Variants in CHSY3 observed in about 807,000 individuals in gnomAD.
CHSY3 encodes N-acetylgalactosaminyl-proteoglycan 3-beta-glucuronosyltransferase 3.
CHSY3 carries 35 observed loss-of-function variants against 67.2 expected under a neutral mutation model. The observed-to-expected ratio is 0.52, with a 90% CI of 0.40 to 0.69. CHSY3 has a LOEUF of 0.69. CHSY3 is among the 30% of genes least tolerant of loss of function. CHSY3 has a pLI of 0.00. For missense variants in CHSY3, 1,069 were observed against 1,138.5 expected (o/e 0.94, Z 0.88); for synonymous variants, 474 against 434.7 (o/e 1.09, Z -1.12).
rs1237082127 is a variant in CHSY3, at chr5:130,185,752, A to G, written c.2610A>G (p.Glu870=). ...STMQLAELWL[E]KHLGVRYNRT... ...TGCAACTGGCTGAACTCTGGCTTGA[A>G]AAACATTTAGGTGTCAGGTACAATC... Residue 870 remains glutamate (E), a synonymous_variant, in exon 3 of 3, where the codon GAA becomes GAG. Transcript: ENST00000305031. 1 of 1,610,244 alleles carries G rather than the reference A, an allele frequency of 6.2e-7. No homozygotes were observed. Among genetic ancestry groups the G allele is most frequent in the Non-Finnish European group, 8.5e-7 (1 of 1,177,498 alleles).
At chr5:129,987,520 A>C (rs1424679187) in intron 2 of CHSY3, among the ~76,000 whole-genome samples, 1 of 152,164 alleles carries the variant, frequency 6.6e-6, no homozygotes, top group African/African-American at 2.4e-5. Flanking sequence ...CTTTTAATGA[A>C]AATATACCAT....
At chr5:129,999,124 C>CTTTTTTTTTTTTT (rs376975711) in intron 2 of CHSY3, among the ~76,000 whole-genome samples, 1 of 141,724 alleles carries the variant, frequency 7.1e-6, no homozygotes, top group Non-Finnish European at 1.5e-5. Flanking sequence ...TCCCCCCTCC[C>CTTTTTTTTTTTTT]TTTTTTTTTT....
At chr5:130,036,926 A>C (rs891886787) in intron 2 of CHSY3, among the ~76,000 whole-genome samples, 1 of 152,266 alleles carries the variant, frequency 6.6e-6, no homozygotes, top group Non-Finnish European at 1.5e-5. Flanking sequence ...TTCCATGCTA[A>C]GTAGACTGAA....
chr5:130,084,104 T>C (rs1766532010), intron 2 of CHSY3, among the ~76,000 whole-genome samples: 1 of 152,056 alleles, frequency 6.6e-6, no homozygotes. Context: ...GGATATTTCA[T>C]TGTCTCCTTA....
At chr5:130,178,227 TTATATATA>T (rs1554088379) in intron 2 of CHSY3, among the ~76,000 whole-genome samples, 43 of 65,808 alleles carry the variant, frequency 6.5e-4, no homozygotes, top group African/African-American at 2.4e-3. Context: ...ATATTTATAT[TTATATATA>T]TATATATATA....
At chr5:130,037,817 C>G (rs1764902248) in intron 2 of CHSY3, among the ~76,000 whole-genome samples, 1 of 152,024 alleles carries the variant, frequency 6.6e-6, no homozygotes, top group African/African-American at 2.4e-5. Flanking sequence ...TTAGGTTGTT[C>G]AAATTCTGCT....
At chr5:129,923,987 T>A (rs1268383395) in intron 2 of CHSY3, among the ~76,000 whole-genome samples, 1 of 152,140 alleles carries the variant, frequency 6.6e-6, no homozygotes, top group Non-Finnish European at 1.5e-5. Flanking sequence ...ATATTTAAAA[T>A]TAAAAAATAA....
intron 2 of CHSY3, among the ~76,000 whole-genome samples, chr5:129,992,940 T>A (rs1580624383): frequency 6.6e-6 from 1 of 152,180 alleles, no homozygotes; most frequent in East Asian, 1.9e-4. Flanking sequence ...GTAAAATAAA[T>A]TTTTGTTCAA....
chr5:130,116,677 G>A lies in CHSY3; in HGVS notation c.1087-67552G>A, dbSNP rs1421302716. On this transcript the variant is annotated intron_variant, in intron 2 of 2. Transcript: ENST00000305031. Reference sequence around the variant, plus strand: ...GGAGAGTTCACTACTTGTATGGATGGATCTTGTGAGATCCCACAGAGCCCA... The same window carrying A: ...GGAGAGTTCACTACTTGTATGGATGAATCTTGTGAGATCCCACAGAGCCCA... Among the ~76,000 whole-genome samples the A allele has an allele frequency of 2.0e-5, 3 of 152,140 alleles. No homozygotes were observed. In the South Asian group the frequency reaches 6.2e-4, roughly 31 times the overall value.
At chr5:130,081,356 G>T (rs1400675086) in intron 2 of CHSY3, among the ~76,000 whole-genome samples, 3 of 150,646 alleles carry the variant, frequency 2.0e-5, no homozygotes, top group Non-Finnish European at 4.4e-5. Context: ...TGCAGGACTT[G>T]GGGGAGGGGA....
chr5:129,930,487 T>G (rs1761264315), intron 2 of CHSY3, among the ~76,000 whole-genome samples: 1 of 135,232 alleles, frequency 7.4e-6, no homozygotes, highest in Admixed American at 7.4e-5. Context: ...ACCATAGATG[T>G]TTAAAAGGAG....
At position 129,920,896 on chromosome 5, in the gene CHSY3, G is replaced by A. The variant is rs184793253; in HGVS notation, c.1086+12536G>A. Among the ~76,000 whole-genome samples the A allele has an allele frequency of 3.9e-3, 598 of 151,976 alleles. 3 individuals are homozygous for A. The highest frequency in any genetic ancestry group is 0.013 in the African/African-American group (549 of 41,428). On this transcript the variant is annotated intron_variant, in intron 2 of 2. Coordinates refer to ENST00000305031, the MANE Select transcript of CHSY3 (RefSeq NM_175856.5). ...TGCAGTGGTACAATCACGACCCTCT[G>A]CAGCCTCGACTTCCTGGGCTCAGGT...
intron 2 of CHSY3, among the ~76,000 whole-genome samples, chr5:130,146,167 C>T (rs751043952): frequency 6.6e-6 from 1 of 152,020 alleles, no homozygotes; most frequent in Non-Finnish European, 1.5e-5. Context: ...TATTGTAGCA[C>T]TATTTATAAT....
chr5:129,994,373 T>G (rs1015104846), intron 2 of CHSY3, among the ~76,000 whole-genome samples: 1 of 152,192 alleles, frequency 6.6e-6, no homozygotes, highest in African/African-American at 2.4e-5. Flanking sequence ...TTTGGTCTTT[T>G]CACATAGTCC....
intron 2 of CHSY3, among the ~76,000 whole-genome samples, chr5:130,025,169 C>T (rs1028050713): frequency 6.6e-6 from 1 of 152,020 alleles, no homozygotes; most frequent in African/African-American, 2.4e-5. Flanking sequence ...CTGGTCAGCC[C>T]CTTAATTTGG....
chr5:130,133,028 A>G (rs1408680556), intron 2 of CHSY3, among the ~76,000 whole-genome samples: 1 of 152,190 alleles, frequency 6.6e-6, no homozygotes, highest in Admixed American at 6.5e-5. Flanking sequence ...TTATTATACT[A>G]TTATACTATA....
At chr5:130,143,734 GTATATATATATATA>G (rs372062970) in intron 2 of CHSY3, among the ~76,000 whole-genome samples, 21 of 94,656 alleles carry the variant, frequency 2.2e-4, no homozygotes, top group African/African-American at 9.2e-4. Flanking sequence ...GTGTGTGTGT[GTATATATATATATA>G]TATATATATG....
At chr5:129,994,984 A>C (rs903908065) in intron 2 of CHSY3, among the ~76,000 whole-genome samples, 19 of 152,266 alleles carry the variant, frequency 1.2e-4, no homozygotes, top group Admixed American at 1.2e-3. Flanking sequence ...ACAACATGGC[A>C]CATGTATACC....
At chr5:130,020,442 TATATATATATATATATATA>T (rs1220774720) in intron 2 of CHSY3, among the ~76,000 whole-genome samples, 657 of 54,516 alleles carry the variant, frequency 0.012, 29 homozygotes, top group African/African-American at 0.024. Flanking sequence ...TATATATATA[TATATATATATATATATATA>T]TTTTTTTTTT....
Sources: allele counts gnomAD v4.1 joint callset (sites outside exome capture counted in the v4.1 genomes callset), GRCh38; gene constraint gnomAD v4.1.1; transcripts MANE v1.5; gene names NCBI Gene and HGNC (gene_info 2026-07-23, HGNC 2026-07-21).